The following GPRIN3 variants were observed in gnomAD, a reference collection of about 807,000 sequenced individuals.
GPRIN3 encodes the protein G protein-regulated inducer of neurite outgrowth 3.
A neutral mutation model predicts 13.7 loss-of-function variants in GPRIN3; 12 were observed. The ratio of observed to expected loss-of-function variants is 0.87; its 90% CI spans 0.56 to 1.42. The LOEUF is 1.42. Among genes scored for constraint, GPRIN3 ranks in the 40% most tolerant of loss-of-function variants. The pLI is 0.00. For missense variants in GPRIN3, 1,009 were observed against 958.7 expected (o/e 1.05, Z -0.69); for synonymous variants, 377 against 372.7 (o/e 1.01, Z -0.13).
At chr4:89,275,755 C>T (rs1724075141) in intron 1 of GPRIN3, among the ~76,000 whole-genome samples, 1 of 152,164 alleles carries the variant, frequency 6.6e-6, no homozygotes, top group Admixed American at 6.5e-5. Context: ...ATGAAGTAGA[C>T]CTTTGTTTGC....
chr4:89,262,959 G>C (rs528916460), intron 1 of GPRIN3, among the ~76,000 whole-genome samples: 22 of 152,068 alleles, frequency 1.4e-4, no homozygotes, highest in African/African-American at 5.3e-4. Context: ...AAGTGATTAA[G>C]AAAAAAATGC....
chr4:89,291,032 C>G (rs1237137840), intron 1 of GPRIN3, among the ~76,000 whole-genome samples: 1 of 152,186 alleles, frequency 6.6e-6, no homozygotes, highest in Non-Finnish European at 1.5e-5. Context: ...CCCAAGATTT[C>G]TGGATATCAG....
At chr4:89,257,703 T>C (rs1204260372) in intron 1 of GPRIN3, among the ~76,000 whole-genome samples, 1 of 152,144 alleles carries the variant, frequency 6.6e-6, no homozygotes, top group Admixed American at 6.5e-5. Context: ...CTTTTAATTT[T>C]TATTTTTTGT....
intron 1 of GPRIN3, among the ~76,000 whole-genome samples, chr4:89,277,071 A>G (rs549209034): frequency 6.6e-6 from 1 of 151,748 alleles, no homozygotes; most frequent in South Asian, 2.1e-4. Context: ...TCTTGGGAGG[A>G]GTCTTCAGTC....
chr4:89,260,971 T>C (rs1723605632), intron 1 of GPRIN3, among the ~76,000 whole-genome samples: 1 of 152,310 alleles, frequency 6.6e-6, no homozygotes, highest in South Asian at 2.1e-4. Flanking sequence ...TCACACTTCC[T>C]GCATTAAACA....
intron 1 of GPRIN3, among the ~76,000 whole-genome samples, chr4:89,265,060 A>T (rs1487476729): frequency 6.6e-6 from 1 of 152,136 alleles, no homozygotes; most frequent in Non-Finnish European, 1.5e-5. Context: ...TACAGTTTTT[A>T]TGGTTTTCAG....
chr4:89,266,512 C>CT (rs1723783775), intron 1 of GPRIN3, among the ~76,000 whole-genome samples: 1 of 152,148 alleles, frequency 6.6e-6, no homozygotes. Context: ...AGAAAGTGTT[C>CT]TTGTTCCTTT....
chr4:89,258,148 T>A lies in GPRIN3; in HGVS notation c.-123-7915A>T, dbSNP rs78864973. Reference sequence around the variant, plus strand: ...ACGCCAGAGTATCAAAAGAAAAGCATATAACTGTATTTAACATAAGCTTTA... The same window carrying A: ...ACGCCAGAGTATCAAAAGAAAAGCAAATAACTGTATTTAACATAAGCTTTA... On this transcript the variant is annotated intron_variant, in intron 1 of 1. Transcript: ENST00000609438. Among the ~76,000 whole-genome samples, 1,262 of 151,406 alleles carry A rather than the reference T, an allele frequency of 8.3e-3. 42 individuals are homozygous for A. Among genetic ancestry groups the A allele is most frequent in the East Asian group, 0.06 (301 of 5,056 alleles).
intron 1 of GPRIN3, among the ~76,000 whole-genome samples, chr4:89,295,552 G>T (rs908122782): frequency 6.6e-6 from 1 of 152,164 alleles, no homozygotes; most frequent in African/African-American, 2.4e-5. Context: ...ATGATGAAGA[G>T]GGGGAGATAA....
rs1330222643 is a variant in GPRIN3, at chr4:89,241,180, A to G, written c.*6600T>C. On this transcript the variant is annotated 3_prime_UTR_variant, in exon 2 of 2. Coordinates refer to ENST00000609438, the MANE Select transcript of GPRIN3 (RefSeq NM_198281.3). ...ATTACTATATTCAGCCTTTGTGATA[A>G]TTATGTTACCTACTCAAGGAGATGA... 6.6e-6 allele frequency: 1 copy of G among 151,936 alleles called. No individual in the cohort carries two copies. The highest frequency in any genetic ancestry group is 1.5e-5 in the Non-Finnish European group (1 of 68,012). 9.4% of individuals were successfully genotyped at this position (151,936 alleles called of 1,614,324 possible). A position where few individuals can be genotyped will look rare whatever the true frequency, so the allele number is the denominator to read the frequency against.
At chr4:89,266,667 G>C (rs1723789453) in intron 1 of GPRIN3, among the ~76,000 whole-genome samples, 2 of 152,142 alleles carry the variant, frequency 1.3e-5, no homozygotes, top group Admixed American at 1.3e-4. Flanking sequence ...AATTACAACT[G>C]CATCTCCCTA....
At chr4:89,293,625 A>G (rs970236059) in intron 1 of GPRIN3, among the ~76,000 whole-genome samples, 1 of 152,184 alleles carries the variant, frequency 6.6e-6, no homozygotes, top group Admixed American at 6.5e-5. Flanking sequence ...AGTATGAGTC[A>G]AATACAAGTT....
At chr4:89,284,559 CAAT>C (rs776495363) in intron 1 of GPRIN3, among the ~76,000 whole-genome samples, 9 of 152,182 alleles carry the variant, frequency 5.9e-5, no homozygotes, top group Admixed American at 6.5e-5. Flanking sequence ...GTAGTAACAG[CAAT>C]AATATTAGTG....
In GPRIN3 at chr4:89,241,495, TACAC is replaced by T. The variant is rs1248099931; in HGVS notation, c.*6281_*6284del. The T allele has an allele frequency of 6.6e-6, 1 of 152,236 alleles. No individual in the cohort carries two copies. Among genetic ancestry groups the T allele is most frequent in the Non-Finnish European group, 1.5e-5 (1 of 68,034 alleles). The allele number at this position is 152,236 out of a possible 1,614,324, so 9.4% of individuals were successfully genotyped here. A position where few individuals can be genotyped will look rare whatever the true frequency, so the allele number is the denominator to read the frequency against. On this transcript the variant is annotated 3_prime_UTR_variant, in exon 2 of 2. Coordinates refer to ENST00000609438, the MANE Select transcript of GPRIN3 (RefSeq NM_198281.3). ...TGTTCACACATTAGTACAGCAGAGA[TACAC>T]ACATTTAGAAAATTAGTAATTGCTA...
intron 1 of GPRIN3, among the ~76,000 whole-genome samples, chr4:89,286,322 TG>T (rs1419076515): frequency 6.6e-6 from 1 of 152,122 alleles, no homozygotes; most frequent in Non-Finnish European, 1.5e-5. Context: ...ATCAGGTGGA[TG>T]GTGTTCATTA....
At position 89,237,351 on chromosome 4, in the gene GPRIN3, T is replaced by A. The variant is rs1375755638; in HGVS notation, c.*10429A>T. 1 of 152,196 alleles carries A rather than the reference T, an allele frequency of 6.6e-6. No individual in the cohort carries two copies. The highest frequency in any genetic ancestry group is 1.9e-4 in the East Asian group (1 of 5,192). 9.4% of individuals were successfully genotyped at this position (152,196 alleles called of 1,614,324 possible). ...GTGGCATTCAGAAGTTCATTAAGAATGTGTATGCCATGGTCTAAATGTCTG... is the reference window on the plus strand; with the variant it reads ...GTGGCATTCAGAAGTTCATTAAGAAAGTGTATGCCATGGTCTAAATGTCTG... On this transcript the variant is annotated 3_prime_UTR_variant, in exon 2 of 2. Coordinates refer to ENST00000609438, the MANE Select transcript of GPRIN3 (RefSeq NM_198281.3).
chr4:89,293,121 GTCTATATAAGA>G (rs1330405493), intron 1 of GPRIN3, among the ~76,000 whole-genome samples: 1 of 152,198 alleles, frequency 6.6e-6, no homozygotes, highest in Admixed American at 6.5e-5. Flanking sequence ...GTCTATAGAA[GTCTATATAAGA>G]AAACTTCTTA....
chr4:89,294,468 G>A (rs188356377), intron 1 of GPRIN3, among the ~76,000 whole-genome samples: 10 of 152,290 alleles, frequency 6.6e-5, no homozygotes, highest in South Asian at 2.1e-4. Context: ...CTGCCATGAA[G>A]CACTTCGACC....
intron 1 of GPRIN3, among the ~76,000 whole-genome samples, chr4:89,296,685 G>T (rs749136439): frequency 6.6e-6 from 1 of 152,136 alleles, no homozygotes; most frequent in Non-Finnish European, 1.5e-5. Flanking sequence ...ATGTGTGTGG[G>T]TGTGCACACA....
Sources: gnomAD v4.1 joint callset for allele counts (sites outside exome capture counted in the v4.1 genomes callset) on GRCh38, gnomAD v4.1.1 for gene constraint, MANE v1.5 for transcripts, NCBI Gene and HGNC (gene_info 2026-07-23, HGNC 2026-07-21) for gene names.